Variants in PPP2R2B observed in about 807,000 individuals in gnomAD.
The protein encoded by PPP2R2B is serine/threonine-protein phosphatase 2A 55 kDa regulatory subunit B beta isoform.
PPP2R2B carries 5 observed loss-of-function variants against 46.0 expected under a neutral mutation model. The observed-to-expected ratio is 0.11, with a 90% CI of 0.06 to 0.23. PPP2R2B has a LOEUF of 0.23. Among genes scored for constraint, PPP2R2B ranks in the 10% least tolerant of loss-of-function variants. The pLI, the probability that PPP2R2B is intolerant of heterozygous loss-of-function variation, is 1.00. For synonymous variants in PPP2R2B, 215 were observed against 206.7 expected (o/e 1.04, Z -0.34); for missense variants, 367 against 575.0 (o/e 0.64, Z 3.70).
At chr5:147,078,725 G>C (rs958987986) in intron 2 of PPP2R2B, among the ~76,000 whole-genome samples, 1 of 151,250 alleles carries the variant, frequency 6.6e-6, no homozygotes, top group Non-Finnish European at 1.5e-5. Context: ...GGAGAATGGC[G>C]TGAACCCAGG....
At chr5:146,927,930 C>T (rs377469524) in intron 1 of PPP2R2B, among the ~76,000 whole-genome samples, 37 of 151,938 alleles carry the variant, frequency 2.4e-4, no homozygotes, top group Middle Eastern at 6.8e-3. Flanking sequence ...TTAGTAGAGA[C>T]GGGGTTTCAC....
At position 147,011,079 on chromosome 5, in the gene PPP2R2B, G is replaced by A. The variant is rs78840917; in HGVS notation, c.79+44586C>T. On this transcript the variant is annotated intron_variant, in intron 1 of 8. Coordinates refer to the PPP2R2B transcript ENST00000336640. ...CTGTGACCTTTCTGGATGCCTTTCC[G>A]ACTACTGCCCCTTCTTCAGCCCACT... Among the ~76,000 whole-genome samples, 1,007 of 152,172 alleles carry A rather than the reference G, an allele frequency of 6.6e-3. 10 individuals are homozygous for A. Among genetic ancestry groups the A allele is most frequent in the African/African-American group, 0.023 (964 of 41,520 alleles).
In PPP2R2B at chr5:146,992,460, G is replaced by T. The variant is rs562925140; in HGVS notation, c.79+63205C>A. Among the ~76,000 whole-genome samples, 16 of 152,314 alleles carry T rather than the reference G, an allele frequency of 1.1e-4. No homozygotes were observed. In the South Asian group the frequency reaches 2.5e-3, roughly 24 times the overall value. On this transcript the variant is annotated intron_variant, in intron 1 of 8. Coordinates refer to the PPP2R2B transcript ENST00000336640. Reference sequence around the variant, plus strand: ...ACCTCTTTGTATGGAAGGAGTATGGGTTCCTTGTTACTGCTTCCCACATGG... The same window carrying T: ...ACCTCTTTGTATGGAAGGAGTATGGTTTCCTTGTTACTGCTTCCCACATGG...
At chr5:147,050,961 C>T (rs1756784742) in intron 1 of PPP2R2B, among the ~76,000 whole-genome samples, 1 of 151,906 alleles carries the variant, frequency 6.6e-6, no homozygotes, top group African/African-American at 2.4e-5. Context: ...TCACTCTCCC[C>T]ACCCTCCCAT....
chr5:146,755,903 A>G (rs527423501), intron 2 of PPP2R2B, among the ~76,000 whole-genome samples: 9 of 152,236 alleles, frequency 5.9e-5, no homozygotes, highest in South Asian at 2.1e-4. Context: ...AATTGGGTCC[A>G]GAGCTTAGCT....
At chr5:146,881,406 TTTTTA>T (rs1304911527), upstream of PPP2R2B, among the ~76,000 whole-genome samples, 4 of 151,736 alleles carry the variant, frequency 2.6e-5, no homozygotes, top group African/African-American at 4.8e-5. Context: ...TTATTTTCTT[TTTTTA>T]TTTTATTTAT....
intron 2 of PPP2R2B, among the ~76,000 whole-genome samples, chr5:146,805,156 C>T (rs777656615): frequency 2.6e-5 from 4 of 152,182 alleles, no homozygotes; most frequent in Non-Finnish European, 5.9e-5. Context: ...GCAGGTCAAA[C>T]TGTGCTCAGA....
intron 2 of PPP2R2B, among the ~76,000 whole-genome samples, chr5:146,806,338 CA>C (rs1757176247): frequency 6.6e-6 from 1 of 152,140 alleles, no homozygotes; most frequent in East Asian, 1.9e-4. Flanking sequence ...GCTTCATTTC[CA>C]CCTTTCCTAA....
At chr5:147,068,971 AC>A (rs1757493713) in intron 2 of PPP2R2B, among the ~76,000 whole-genome samples, 1 of 152,210 alleles carries the variant, frequency 6.6e-6, no homozygotes, top group African/African-American at 2.4e-5. Context: ...GATGATAATG[AC>A]CCTTAAGAAA....
intron 1 of PPP2R2B, among the ~76,000 whole-genome samples, chr5:146,885,920 G>A (rs1762305508): frequency 6.6e-6 from 1 of 152,046 alleles, no homozygotes; most frequent in African/African-American, 2.4e-5. Flanking sequence ...GTTCAGAATA[G>A]ACAACTGCTT....
At chr5:146,999,029 A>G (rs1159423460) in intron 1 of PPP2R2B, among the ~76,000 whole-genome samples, 1 of 151,474 alleles carries the variant, frequency 6.6e-6, no homozygotes, top group African/African-American at 2.4e-5. Flanking sequence ...AAAAAAAAAA[A>G]AAAAAAAAAG....
At chr5:146,812,308 C>T (rs1055014298) in intron 2 of PPP2R2B, among the ~76,000 whole-genome samples, 6 of 150,118 alleles carry the variant, frequency 4.0e-5, no homozygotes, top group Non-Finnish European at 7.4e-5. Context: ...AACAAAGTTT[C>T]TCTTCAGCAT....
chr5:146,798,934 A>G (rs1756699802), intron 2 of PPP2R2B, among the ~76,000 whole-genome samples: 2 of 152,164 alleles, frequency 1.3e-5, no homozygotes, highest in African/African-American at 4.8e-5. Context: ...GTTTAAAGGG[A>G]TCTAGTCAGG....
intron 2 of PPP2R2B, among the ~76,000 whole-genome samples, chr5:146,714,410 G>A (rs983787042): frequency 5.3e-5 from 8 of 152,060 alleles, no homozygotes; most frequent in Non-Finnish European, 8.8e-5. Context: ...GAAATGAGGT[G>A]AAAGATGGTA....
At chr5:146,838,233 G>A (rs564634353) in intron 2 of PPP2R2B, among the ~76,000 whole-genome samples, 1 of 152,252 alleles carries the variant, frequency 6.6e-6, no homozygotes, top group South Asian at 2.1e-4. Context: ...TTATAAGAGA[G>A]AAATGTGAAA....
At chr5:146,734,716 G>T (rs1296083346) in intron 2 of PPP2R2B, among the ~76,000 whole-genome samples, 1 of 152,042 alleles carries the variant, frequency 6.6e-6, no homozygotes, top group Non-Finnish European at 1.5e-5. Flanking sequence ...CTGTCAAATT[G>T]GATAAAATCA....
intron 2 of PPP2R2B, among the ~76,000 whole-genome samples, chr5:146,836,824 T>A (rs1316637830): frequency 6.6e-6 from 1 of 152,214 alleles, no homozygotes; most frequent in Non-Finnish European, 1.5e-5. Flanking sequence ...TGAAAGAAGT[T>A]GACTTTTTGA....
At chr5:146,726,388 T>C (rs1751870122) in intron 2 of PPP2R2B, among the ~76,000 whole-genome samples, 1 of 152,122 alleles carries the variant, frequency 6.6e-6, no homozygotes, top group South Asian at 2.1e-4. Flanking sequence ...GTTTATAGTC[T>C]CAAAGGGATT....
intron 2 of PPP2R2B, among the ~76,000 whole-genome samples, chr5:146,871,664 G>A (rs867957478): frequency 2.6e-5 from 4 of 152,174 alleles, no homozygotes; most frequent in East Asian, 1.9e-4. Context: ...CAGCAGCACC[G>A]ACCAGGCGCC....
Sources: gnomAD v4.1 joint callset for allele counts (sites outside exome capture counted in the v4.1 genomes callset) on GRCh38, gnomAD v4.1.1 for gene constraint, MANE v1.5 for transcripts, NCBI Gene and HGNC (gene_info 2026-07-23, HGNC 2026-07-21) for gene names.